Variants in FHIP2A observed in about 807,000 individuals in gnomAD.
FHIP2A encodes the protein family with sequence similarity 160 member B1.
In FHIP2A, 46 loss-of-function variants were observed where a neutral mutation model predicts 93.5. The observed-to-expected ratio is 0.49, with a 90% confidence interval of 0.39 to 0.63. FHIP2A has a LOEUF of 0.63. Ranked by LOEUF, FHIP2A falls within the 20% of genes least tolerant of loss-of-function variation. The pLI is 0.00. For synonymous variants in FHIP2A, 332 were observed against 326.5 expected, an observed-to-expected ratio of 1.02 and a Z score of -0.18; for missense variants, 769 against 909.7, an observed-to-expected ratio of 0.85 and a Z score of 1.99.
At chr10:114,847,646 C>T (rs1346609682) in intron 12 of FHIP2A, among the ~76,000 whole-genome samples, 2 of 152,012 alleles carry the variant, frequency 1.3e-5, no homozygotes, top group Non-Finnish European at 2.9e-5. Flanking sequence ...TTTGGTCTTG[C>T]TTATGTAACA....
At chr10:114,835,740 T>G in intron 4 of FHIP2A, 99 bp downstream of exon 4, 1 of 777,022 alleles carries the variant, frequency 1.3e-6, no homozygotes, top group Non-Finnish European at 2.0e-6. Context: ...ATGAAATTAT[T>G]CCAAAATTAA....
In FHIP2A at chr10:114,864,310, T is replaced by A; in HGVS notation, c.*2770T>A. Reference sequence around the variant, plus strand: ...AGTCCATCAGTATTGACAGAAGACGTTACAGTGAAGTGCTAAAACCACACT... The same window carrying A: ...AGTCCATCAGTATTGACAGAAGACGATACAGTGAAGTGCTAAAACCACACT... On this transcript the variant is annotated 3_prime_UTR_variant, in exon 17 of 17. Coordinates refer to ENST00000369248, the MANE Select transcript of FHIP2A (RefSeq NM_020940.4). 1.0e-6 allele frequency: 1 copy of A among 985,388 alleles called. No homozygotes were observed. The highest frequency in any genetic ancestry group is 1.2e-6 in the Non-Finnish European group (1 of 829,492). The allele number at this position is 985,388 out of a possible 1,614,324, so 61.0% of individuals were successfully genotyped here.
rs1379761371 is a variant in FHIP2A, at chr10:114,861,647, G to A, written c.*107G>A. On this transcript the variant is annotated 3_prime_UTR_variant, in exon 17 of 17. Coordinates refer to ENST00000369248, the MANE Select transcript of FHIP2A (RefSeq NM_020940.4). ...AGGATAAAAAGCCTTTTTAAACGCA[G>A]TATTGCTGTAAACTGGACAGAACCA... is the stretch of plus-strand genomic sequence containing the variant. The A allele has an allele frequency of 2.0e-6, 3 of 1,476,596 alleles. No homozygotes were observed. The highest frequency in any genetic ancestry group is 2.4e-5 in the Admixed American group (1 of 41,156). 91.5% of individuals were successfully genotyped at this position (1,476,596 alleles called of 1,614,324 possible). A position where few individuals can be genotyped will look rare whatever the true frequency, so the allele number is the denominator to read the frequency against.
intron 5 of FHIP2A, 47 bp downstream of exon 5, chr10:114,836,293 T>A (rs1004361541): frequency 7.1e-7 from 1 of 1,404,450 alleles, no homozygotes; most frequent in Non-Finnish European, 9.7e-7. Flanking sequence ...TATATTAAGA[T>A]CATTATGAAA....
At chr10:114,835,119 G>C (rs2083629478) in intron 3 of FHIP2A, among the ~76,000 whole-genome samples, 1 of 118,672 alleles carries the variant, frequency 8.4e-6, no homozygotes, top group Admixed American at 8.1e-5. Context: ...ATATATGATG[G>C]AAAGTTGATG....
chr10:114,863,361 A>G lies in FHIP2A; in HGVS notation c.*1821A>G. The G allele has an allele frequency of 1.6e-5, 16 of 991,352 alleles. No individual in the cohort carries two copies. The highest frequency in any genetic ancestry group is 1.8e-5 in the Non-Finnish European group (15 of 832,084). 61.4% of individuals were successfully genotyped at this position (991,352 alleles called of 1,614,324 possible). On this transcript the variant is annotated 3_prime_UTR_variant, in exon 17 of 17. Transcript: ENST00000369248. The stretch of plus-strand genomic sequence containing the variant: ...AAACTAAGGCATTAAGAGATATTAG[A>G]TATTTCTTAATGTTTTCATAGTGCT...
intron 7 of FHIP2A, among the ~76,000 whole-genome samples, chr10:114,844,220 CA>C (rs2083686918): frequency 6.6e-6 from 1 of 151,918 alleles, no homozygotes; most frequent in African/African-American, 2.4e-5. Context: ...TTATTAAAAA[CA>C]AAAAACCCTC....
intron 16 of FHIP2A, among the ~76,000 whole-genome samples, chr10:114,880,572 C>G (rs1314760339): frequency 1.3e-5 from 2 of 151,992 alleles, no homozygotes; most frequent in Admixed American, 1.3e-4. Flanking sequence ...CCCAGCTACT[C>G]TGGTGGCTGA....
intron 14 of FHIP2A, among the ~76,000 whole-genome samples, chr10:114,856,070 T>C (rs1193383967): frequency 1.3e-5 from 2 of 152,318 alleles, no homozygotes; most frequent in East Asian, 3.9e-4. Flanking sequence ...TGGACCAATT[T>C]GGAATTAATT....
In FHIP2A at chr10:114,864,530, G is replaced by A. The variant is rs1290398013; in HGVS notation, c.*2990G>A. 1.1e-5 allele frequency: 11 copies of A among 985,612 alleles called. No individual in the cohort carries two copies. The highest frequency in any genetic ancestry group is 1.3e-5 in the Non-Finnish European group (11 of 829,926). The allele number at this position is 985,612 out of a possible 1,614,324, so 61.1% of individuals were successfully genotyped here. On this transcript the variant is annotated 3_prime_UTR_variant, in exon 17 of 17. Coordinates refer to ENST00000369248, the MANE Select transcript of FHIP2A (RefSeq NM_020940.4). Reference sequence around the variant, plus strand: ...TAAATTTTTTTGTATTGAAAGTTGTGTAGGTTACTGACAGTGTTACCAGCG... The same window carrying A: ...TAAATTTTTTTGTATTGAAAGTTGTATAGGTTACTGACAGTGTTACCAGCG...
At chr10:114,881,434 G>C (rs1056246252) in intron 16 of FHIP2A, among the ~76,000 whole-genome samples, 1 of 152,116 alleles carries the variant, frequency 6.6e-6, no homozygotes, top group African/African-American at 2.4e-5. Flanking sequence ...GGCAGACAGG[G>C]CTTCATTAGC....
chr10:114,898,365 G>A (rs2084010850), intron 16 of FHIP2A, among the ~76,000 whole-genome samples: 2 of 152,144 alleles, frequency 1.3e-5, no homozygotes, highest in South Asian at 2.1e-4. Context: ...GAATGGCCAG[G>A]GACATTCATA....
chr10:114,895,217 G>A (rs1431592013), intron 16 of FHIP2A, among the ~76,000 whole-genome samples: 1 of 152,124 alleles, frequency 6.6e-6, no homozygotes, highest in Non-Finnish European at 1.5e-5. Context: ...GACTTAATGA[G>A]GTTCTTAGAT....
At chr10:114,829,000 AG>A (rs2083592992) in intron 1 of FHIP2A, among the ~76,000 whole-genome samples, 1 of 152,228 alleles carries the variant, frequency 6.6e-6, no homozygotes, top group African/African-American at 2.4e-5. Flanking sequence ...TTGTTTCGAC[AG>A]GGTTGCCAGC....
chr10:114,827,465 G>A (rs930810858), intron 1 of FHIP2A, among the ~76,000 whole-genome samples: 5 of 152,112 alleles, frequency 3.3e-5, no homozygotes, highest in African/African-American at 4.8e-5. Context: ...GACAAAAGTG[G>A]GATATGGGAT....
intron 16 of FHIP2A, among the ~76,000 whole-genome samples, chr10:114,891,703 G>A (rs1013991123): frequency 5.9e-5 from 9 of 151,414 alleles, no homozygotes; most frequent in Admixed American, 4.0e-4. Flanking sequence ...TGTAACCTCC[G>A]CCTCCCGGGT....
chr10:114,871,745 C>G (rs778516857), intron 16 of FHIP2A, among the ~76,000 whole-genome samples: 3 of 152,130 alleles, frequency 2.0e-5, no homozygotes, highest in Non-Finnish European at 4.4e-5. Context: ...TAATATATTT[C>G]TTAGTACCTC....
At chr10:114,854,369 G>A (rs1188605456) in intron 13 of FHIP2A, among the ~76,000 whole-genome samples, 2 of 152,130 alleles carry the variant, frequency 1.3e-5, no homozygotes, top group African/African-American at 2.4e-5. Flanking sequence ...GCACATGCCT[G>A]TAATTCCAGC....
At chr10:114,853,537 G>T (rs1192337600) in intron 13 of FHIP2A, among the ~76,000 whole-genome samples, 1 of 152,206 alleles carries the variant, frequency 6.6e-6, no homozygotes. Context: ...TCTTTTGGCA[G>T]TACCGATTGG....
Sources: gnomAD v4.1 joint callset for allele counts (sites outside exome capture counted in the v4.1 genomes callset) on GRCh38, gnomAD v4.1.1 for gene constraint, MANE v1.5 for transcripts, NCBI Gene and HGNC (gene_info 2026-07-23, HGNC 2026-07-21) for gene names.